STARD13: variants seen among roughly 807,000 people sequenced by gnomAD.
STARD13 encodes stAR-related lipid transfer protein 13.
In STARD13, 62 loss-of-function variants were observed where a neutral mutation model predicts 106.4. That is an observed-to-expected ratio of 0.58 (90% confidence interval 0.48 to 0.72). The LOEUF (loss-of-function observed/expected upper bound fraction) is 0.72. Ranked by LOEUF, STARD13 falls within the 30% of genes least tolerant of loss-of-function variation. STARD13 has a pLI of 0.00. For synonymous variants in STARD13, 565 were observed against 553.0 expected, an observed-to-expected ratio of 1.02 and a Z score of -0.31; for missense variants, 1,387 against 1,424.0, an observed-to-expected ratio of 0.97 and a Z score of 0.42.
the STARD13 span, among the ~76,000 whole-genome samples, chr13:33,534,515 T>A: frequency 2.0e-5 from 3 of 152,242 alleles, no homozygotes; most frequent in East Asian, 5.8e-4. Flanking sequence ...CTCTTGTTTA[T>A]CCTTGTTTTA....
chr13:33,292,799 C>T (rs1384537466), intron 1 of STARD13, among the ~76,000 whole-genome samples: 1 of 152,144 alleles, frequency 6.6e-6, no homozygotes, highest in Non-Finnish European at 1.5e-5. Context: ...TTCAAGTACA[C>T]TATTGTCTGT....
chr13:33,196,921 T>C (rs1886663547), intron 1 of STARD13, among the ~76,000 whole-genome samples: 1 of 152,200 alleles, frequency 6.6e-6, no homozygotes, highest in Non-Finnish European at 1.5e-5. Flanking sequence ...TACGTAATTA[T>C]TGATGGACTT....
the STARD13 span, among the ~76,000 whole-genome samples, chr13:33,533,021 A>C: frequency 6.6e-6 from 1 of 152,192 alleles, no homozygotes; most frequent in Non-Finnish European, 1.5e-5. Context: ...CCCATGGCTA[A>C]ATGTTGGCTT....
At position 33,183,084 on chromosome 13, in the gene STARD13, C is replaced by T. The variant is rs375201235; in HGVS notation, c.170-15462G>A. ...CACATTTATCTCTATCAAGATTTAG[C>T]GAAGACATCATCTGTATCCCAGGTT... On this transcript the variant is annotated intron_variant, in intron 1 of 13. Transcript: ENST00000336934. Among the ~76,000 whole-genome samples, 311 of 152,296 alleles carry T rather than the reference C, an allele frequency of 2.0e-3. 8 individuals carry two copies. The South Asian group carries it at 0.057, about 28-fold the overall frequency.
At chr13:33,205,097 C>A (rs150223094) in intron 1 of STARD13, among the ~76,000 whole-genome samples, 1 of 152,132 alleles carries the variant, frequency 6.6e-6, no homozygotes, top group African/African-American at 2.4e-5. Context: ...ATAAAACATG[C>A]GACATATGAC....
the STARD13 span, among the ~76,000 whole-genome samples, chr13:33,579,051 G>A: frequency 0.034 from 5,199 of 152,084 alleles, 122 homozygotes; most frequent in Non-Finnish European, 0.055. Flanking sequence ...AAACTGCTGG[G>A]GGGAATGTAA....
chr13:33,543,900 G>C, the STARD13 span, among the ~76,000 whole-genome samples: 48 of 152,318 alleles, frequency 3.2e-4, no homozygotes, highest in Middle Eastern at 6.8e-3. Context: ...ATATACTGGT[G>C]ATACTAAGCC....
At chr13:33,164,561 T>C (rs895936104) in intron 3 of STARD13, among the ~76,000 whole-genome samples, 1 of 152,204 alleles carries the variant, frequency 6.6e-6, no homozygotes, top group Non-Finnish European at 1.5e-5. Context: ...TCTTCAGGGC[T>C]TTAATTATGA....
the STARD13 span, among the ~76,000 whole-genome samples, chr13:33,420,731 G>A: frequency 6.6e-6 from 1 of 152,150 alleles, no homozygotes; most frequent in Non-Finnish European, 1.5e-5. Context: ...AAATGTAAAA[G>A]AACAGAAATC....
intron 1 of STARD13, among the ~76,000 whole-genome samples, chr13:33,255,180 C>T (rs1040249490): frequency 1.3e-5 from 2 of 152,010 alleles, no homozygotes; most frequent in African/African-American, 2.4e-5. Flanking sequence ...CGAGGGGGAC[C>T]AGGGAACTCT....
At chr13:33,495,451 TA>T in the STARD13 span, among the ~76,000 whole-genome samples, 1 of 152,164 alleles carries the variant, frequency 6.6e-6, no homozygotes. Flanking sequence ...GATAAACATT[TA>T]CAAGGGGCAG....
chr13:33,547,800 C>A, the STARD13 span, among the ~76,000 whole-genome samples: 6 of 152,196 alleles, frequency 3.9e-5, no homozygotes, highest in African/African-American at 1.4e-4. Context: ...AAGCATTTTT[C>A]ATTTCATGAA....
At chr13:33,157,641 G>A (rs938912438) in intron 3 of STARD13, among the ~76,000 whole-genome samples, 5 of 152,178 alleles carry the variant, frequency 3.3e-5, no homozygotes, top group African/African-American at 7.2e-5. Flanking sequence ...CTGCACTCCA[G>A]CCTGGGTGAC....
At chr13:33,676,269 GC>G in the STARD13 span, among the ~76,000 whole-genome samples, 1 of 152,136 alleles carries the variant, frequency 6.6e-6, no homozygotes, top group African/African-American at 2.4e-5. Context: ...GATCGGGACT[GC>G]CATTTGGTTA....
At chr13:33,664,992 G>A in the STARD13 span, among the ~76,000 whole-genome samples, 1 of 152,356 alleles carries the variant, frequency 6.6e-6, no homozygotes, top group Non-Finnish European at 1.5e-5. Flanking sequence ...GATCCTGTGT[G>A]AGAAATGTTT....
At chr13:33,451,016 G>T in the STARD13 span, among the ~76,000 whole-genome samples, 1 of 152,170 alleles carries the variant, frequency 6.6e-6, no homozygotes, top group Non-Finnish European at 1.5e-5. Context: ...CTGAGTAGCT[G>T]AGACCTCAGG....
intron 1 of STARD13, among the ~76,000 whole-genome samples, chr13:33,221,015 G>A (rs1457037391): frequency 6.6e-6 from 1 of 152,016 alleles, no homozygotes. Context: ...TATCCATATA[G>A]ATAAGCCCTG....
rs1389346881 is a variant in STARD13 at position 33,103,406 on chromosome 13, A to C, written c.*2187T>G. The stretch of plus-strand genomic sequence containing the variant: ...AAAAAGATGCACTGTGTTGTTATGC[A>C]GCGGTGATATGATTACTATGTGCAC... On this transcript the variant is annotated 3_prime_UTR_variant, in exon 14 of 14. Transcript: ENST00000336934. The C allele has an allele frequency of 6.6e-6, 1 of 152,544 alleles. No homozygotes were observed. The highest frequency in any genetic ancestry group is 1.9e-4 in the East Asian group (1 of 5,188). The allele number at this position is 152,544 out of a possible 1,614,324, so 9.4% of individuals were successfully genotyped here. A position where few individuals can be genotyped will look rare whatever the true frequency, so the allele number is the denominator to read the frequency against.
the STARD13 span, among the ~76,000 whole-genome samples, chr13:33,394,736 T>TAGTA: frequency 6.6e-5 from 10 of 152,170 alleles, no homozygotes; most frequent in Non-Finnish European, 1.5e-4. Context: ...GATGTGTTCC[T>TAGTA]AGTACATTCC....
Sources: allele counts gnomAD v4.1 joint callset (sites outside exome capture counted in the v4.1 genomes callset), GRCh38; gene constraint gnomAD v4.1.1; transcripts MANE v1.5; gene names NCBI Gene and HGNC (gene_info 2026-07-23, HGNC 2026-07-21).